Variants in CLCC1 observed in about 807,000 individuals in gnomAD.
The protein encoded by CLCC1 is chloride channel CLIC like 1.
In CLCC1, 39 loss-of-function variants were observed where a neutral mutation model predicts 63.3. The observed-to-expected ratio is 0.62, with a 90% CI of 0.48 to 0.81. The LOEUF (loss-of-function observed/expected upper bound fraction) is 0.81, where lower values mean the gene tolerates loss of function less well. Among genes scored for constraint, CLCC1 ranks in the 30% least tolerant of loss-of-function variants. The probability of loss-of-function intolerance (pLI) is 0.00; values close to 1 mark genes in which losing one functional copy is unlikely to be tolerated. For missense variants in CLCC1, 549 were observed against 669.4 expected, an observed-to-expected ratio of 0.82 and a Z score of 1.98; for synonymous variants, 217 against 239.8, an observed-to-expected ratio of 0.90 and a Z score of 0.88.
Position 108,947,707 on chromosome 1 carries a change from A to C in CLCC1, c.243T>G (p.Cys81Trp). Residue 81 changes from cysteine (C) to tryptophan (W), a missense_variant, in exon 5 of 13, where the codon TGT becomes TGG. Transcript: ENST00000369969. ...LDSLTYKIDE[C>W]EKKKREDYES... is the part of the protein sequence containing the mutation. Reference sequence around the variant, plus strand: ...CATAGTCTTCCCTCTTTTTCTTTTCACACTCATCAATCTGTAACCATAAAA... The same window carrying C: ...CATAGTCTTCCCTCTTTTTCTTTTCCCACTCATCAATCTGTAACCATAAAA... The C allele has an allele frequency of 3.7e-6, 6 of 1,602,654 alleles. No individual in the cohort carries two copies. Among genetic ancestry groups the C allele is most frequent in the Non-Finnish European group, 5.1e-6 (6 of 1,171,850 alleles).
In CLCC1 at chr1:108,943,889, A is replaced by G. The variant is rs1654184048; in HGVS notation, c.508T>C (p.Trp170Arg). The G allele has an allele frequency of 6.2e-7, 1 of 1,614,050 alleles. No individual in the cohort carries two copies. The highest frequency in any genetic ancestry group is 8.5e-7 in the Non-Finnish European group (1 of 1,179,950). ...INFKFHDFETWKWRFEDSFGV... is the reference protein window; with the variant it reads ...INFKFHDFETRKWRFEDSFGV... ...AAGGAATCTTCGAATCGCCACTTCC[A>G]TGTTTCAAAATCATGAAACTTAAAA... Residue 170 changes from tryptophan (W) to arginine (R), a missense_variant, in exon 6 of 13, where the codon TGG becomes CGG. Transcript: ENST00000369969.
At chr1:108,947,512 T>A in intron 5 of CLCC1, 99 bp downstream of exon 5, 2 of 718,112 alleles carry the variant, frequency 2.8e-6, no homozygotes, top group Non-Finnish European at 4.5e-6. Flanking sequence ...GTGGTCTCTG[T>A]TAAAAAGCAT....
intron 12 of CLCC1, 69 bp downstream of exon 12, chr1:108,934,556 G>A: frequency 8.1e-7 from 1 of 1,235,754 alleles, no homozygotes; most frequent in African/African-American, 1.5e-5. Context: ...TGTGAATGTT[G>A]AAGTTGGCAC....
intron 2 of CLCC1, among the ~76,000 whole-genome samples, chr1:108,954,010 C>CAAAAAAAAAAA (rs11463360): frequency 1.0e-5 from 1 of 98,036 alleles, no homozygotes; most frequent in Non-Finnish European, 2.0e-5. Context: ...AACTCCGTCT[C>CAAAAAAAAAAA]AAAAAAAAAA....
intron 2 of CLCC1, among the ~76,000 whole-genome samples, chr1:108,951,500 C>T (rs1655176003): frequency 6.6e-6 from 1 of 152,150 alleles, no homozygotes; most frequent in East Asian, 1.9e-4. Flanking sequence ...CATGCTACAA[C>T]ACATATGAAC....
intron 10 of CLCC1, 38 bp downstream of exon 10, chr1:108,939,598 C>T (rs338480): frequency 0.21 from 339,863 of 1,586,834 alleles, 38,279 homozygotes; most frequent in African/African-American, 0.29. Flanking sequence ...CGTGAGCCAC[C>T]GCGCCTGGCC....
rs1160574278 is a variant in CLCC1, at chr1:108,937,191, C to T, written c.1269G>A (p.Leu423=). The change falls in exon 11 of 13, where the codon TTG becomes TTA. Residue 423 remains leucine (L), a synonymous_variant. Transcript: ENST00000369969. ...AKTYEGRREI[L]RERDVDLRFQ... The stretch of plus-strand genomic sequence containing the variant: ...ATCTCAAGTCAACATCTCTCTCTCT[C>T]AAAATCTCTCTTCTACCCTCATACG... 1 of 1,598,728 alleles carries T rather than the reference C, an allele frequency of 6.3e-7. No individual in the cohort carries two copies. The highest frequency in any genetic ancestry group is 1.3e-5 in the African/African-American group (1 of 74,094).
chr1:108,935,492 C>A (rs1422169291), intron 11 of CLCC1, among the ~76,000 whole-genome samples: 1 of 152,130 alleles, frequency 6.6e-6, no homozygotes, highest in East Asian at 1.9e-4. Flanking sequence ...TATGGTTAGG[C>A]ATGGTGGCTC....
At chr1:108,953,291 A>T (rs1290334524) in intron 2 of CLCC1, among the ~76,000 whole-genome samples, 2 of 152,192 alleles carry the variant, frequency 1.3e-5, no homozygotes, top group Non-Finnish European at 2.9e-5. Flanking sequence ...GAAGCAATGA[A>T]ATTAGCCATT....
At chr1:108,948,422 A>G (rs919027668) in intron 4 of CLCC1, among the ~76,000 whole-genome samples, 3 of 152,182 alleles carry the variant, frequency 2.0e-5, no homozygotes, top group Admixed American at 6.5e-5. Context: ...TTTTTCAAAC[A>G]TTAGAATAAC....
chr1:108,939,858 C>A, intron 9 of CLCC1, 76 bp from the exon 10 acceptor site: 1 of 1,453,496 alleles, frequency 6.9e-7, no homozygotes, highest in South Asian at 1.3e-5. Flanking sequence ...TCATTGAGTA[C>A]TGATGCTGAA....
At chr1:108,947,822 T>A (rs1352994799) in intron 4 of CLCC1, 104 bp from the exon 5 acceptor site, 7 of 751,038 alleles carry the variant, frequency 9.3e-6, no homozygotes, top group African/African-American at 1.8e-5. Flanking sequence ...AGGAGCTAGT[T>A]GTTTTGATCA....
chr1:108,933,210 T>C (rs1274265534), intron 12 of CLCC1: 2 of 3,236 alleles, frequency 6.2e-4, no homozygotes. Flanking sequence ...ATGTGTATTC[T>C]GCATTTCAAC....
In CLCC1 at chr1:108,937,300, T is replaced by C. The variant is rs1457028176; in HGVS notation, c.1160A>G (p.Tyr387Cys). ...RDRRRQEEID[Y>C]RPDGGAGDAD... Reference sequence around the variant, plus strand: ...ATCACCTGCTCCACCATCAGGTCTATAATCAATTTCCTCCTGCCGTCTTCT... The same window carrying C: ...ATCACCTGCTCCACCATCAGGTCTACAATCAATTTCCTCCTGCCGTCTTCT... Residue 387 changes from tyrosine to cysteine, a missense_variant, in exon 11 of 13, where the codon TAT becomes TGT. Physicochemically the swap from Tyr to Cys is radical, Grantham distance 194 (BLOSUM62 -2). Transcript: ENST00000369969. 1.2e-6 allele frequency: 2 copies of C among 1,614,236 alleles called. No homozygotes were observed. The highest frequency in any genetic ancestry group is 2.2e-5 in the South Asian group (2 of 91,086).
chr1:108,948,263 A>C (rs187139232), intron 4 of CLCC1, among the ~76,000 whole-genome samples: 1 of 152,310 alleles, frequency 6.6e-6, no homozygotes, highest in African/African-American at 2.4e-5. Context: ...TGCTGTATGG[A>C]ATGCTCAGGA....
Position 108,934,804 on chromosome 1 carries a change from C to T in CLCC1, c.1522G>A (p.Gly508Ser). The T allele has an allele frequency of 6.2e-7, 1 of 1,614,178 alleles. No homozygotes were observed. The highest frequency in any genetic ancestry group is 1.3e-5 in the African/African-American group (1 of 75,040). The change falls in exon 12 of 13, where the codon GGT becomes AGT. Residue 508 changes from glycine to serine, a missense_variant. Transcript: ENST00000369969. ...SGQDTSGNTE[G>S]SPAAEKAQLK... is the part of the protein sequence containing the mutation. ...TGGGCCTTTTCCGCTGCGGGTGAAC[C>T]TTCTGTATTCCCTGATGTGTCTTGG...
chr1:108,946,249 G>C (rs1654518054), intron 5 of CLCC1, among the ~76,000 whole-genome samples: 1 of 151,320 alleles, frequency 6.6e-6, no homozygotes, highest in Non-Finnish European at 1.5e-5. Context: ...GGCGGAGCTT[G>C]CAGTGAGCGG....
intron 4 of CLCC1, 59 bp from the exon 5 acceptor site, chr1:108,947,777 G>T: frequency 8.6e-7 from 1 of 1,158,254 alleles, no homozygotes; most frequent in Non-Finnish European, 1.3e-6. Flanking sequence ...TAAGGGTTAA[G>T]TTTCTAGCCT....
At chr1:108,955,880 T>C (rs750221627) in intron 2 of CLCC1, among the ~76,000 whole-genome samples, 1 of 151,480 alleles carries the variant, frequency 6.6e-6, no homozygotes, top group Non-Finnish European at 1.5e-5. Context: ...GACTGAAAAT[T>C]ACACCATAGG....
Sources: allele counts gnomAD v4.1 joint callset (sites outside exome capture counted in the v4.1 genomes callset), GRCh38; gene constraint gnomAD v4.1.1; transcripts MANE v1.5; gene names NCBI Gene and HGNC (gene_info 2026-07-23, HGNC 2026-07-21).